The following KCNQ5 variants were observed in gnomAD, a reference collection of about 807,000 sequenced individuals.
KCNQ5 encodes the protein potassium voltage-gated channel subfamily KQT member 5.
A neutral mutation model predicts 98.2 loss-of-function variants in KCNQ5; 30 were observed. The observed-to-expected ratio is 0.31, with a 90% CI of 0.23 to 0.41. KCNQ5 has a LOEUF of 0.41. Ranked by LOEUF, KCNQ5 falls within the 10% of genes least tolerant of loss-of-function variation. The pLI, the probability that KCNQ5 is intolerant of heterozygous loss-of-function variation, is 1.00. For missense variants in KCNQ5, 835 were observed against 1,182.5 expected (o/e 0.71, Z 4.31); for synonymous variants, 458 against 449.4 (o/e 1.02, Z -0.24).
At chr6:72,916,620 G>A (rs1350083886) in intron 1 of KCNQ5, among the ~76,000 whole-genome samples, 2 of 152,164 alleles carry the variant, frequency 1.3e-5, no homozygotes, top group African/African-American at 2.4e-5. Context: ...ACCTTCTCAA[G>A]TCTGAAAGGG....
At chr6:72,786,215 A>G (rs2154478041) in intron 1 of KCNQ5, among the ~76,000 whole-genome samples, 1 of 152,316 alleles carries the variant, frequency 6.6e-6, no homozygotes, top group Admixed American at 6.5e-5. Context: ...CCACATTTCA[A>G]GTAGTCAGTA....
intron 11 of KCNQ5, among the ~76,000 whole-genome samples, chr6:73,184,141 A>G (rs148472852): frequency 1.1e-3 from 174 of 152,302 alleles, no homozygotes; most frequent in African/African-American, 3.7e-3. Context: ...GTAGTATTAC[A>G]TATTTCTTGA....
intron 7 of KCNQ5, 69 bp downstream of exon 7, chr6:73,111,472 C>A (rs916655697): frequency 2.0e-5 from 20 of 984,176 alleles, no homozygotes; most frequent in Non-Finnish European, 3.1e-5. Flanking sequence ...ATTTTCCAAT[C>A]TCTGTGCTTC....
At chr6:72,645,263 C>G (rs1329180532) in intron 1 of KCNQ5, among the ~76,000 whole-genome samples, 1 of 150,900 alleles carries the variant, frequency 6.6e-6, no homozygotes, top group Non-Finnish European at 1.5e-5. Context: ...GGTGCATGCC[C>G]TAGTCCTAGC....
intron 1 of KCNQ5, among the ~76,000 whole-genome samples, chr6:72,813,604 G>A (rs956886689): frequency 2.1e-5 from 3 of 144,418 alleles, no homozygotes; most frequent in Non-Finnish European, 4.7e-5. Flanking sequence ...GTCCCTAGGT[G>A]TCCAAGAGGT....
intron 1 of KCNQ5, among the ~76,000 whole-genome samples, chr6:72,660,722 G>A (rs889210453): frequency 6.6e-6 from 1 of 152,036 alleles, no homozygotes; most frequent in Non-Finnish European, 1.5e-5. Flanking sequence ...TTTTAAAATC[G>A]TTGCTCATTC....
At chr6:72,860,501 G>A (rs1470765048) in intron 1 of KCNQ5, among the ~76,000 whole-genome samples, 1 of 152,052 alleles carries the variant, frequency 6.6e-6, no homozygotes, top group East Asian at 1.9e-4. Flanking sequence ...TGGGAGTAAT[G>A]ATATAGAAAT....
chr6:72,845,906 G>A (rs1776998521), intron 1 of KCNQ5, among the ~76,000 whole-genome samples: 1 of 152,112 alleles, frequency 6.6e-6, no homozygotes, highest in South Asian at 2.1e-4. Flanking sequence ...ATGGGCACCA[G>A]GTAATGCATG....
chr6:72,722,449 G>A (rs190321169), intron 1 of KCNQ5, among the ~76,000 whole-genome samples: 2 of 152,276 alleles, frequency 1.3e-5, no homozygotes, highest in African/African-American at 4.8e-5. Flanking sequence ...TTATATGCAA[G>A]ATCTTTCAAA....
intron 5 of KCNQ5, among the ~76,000 whole-genome samples, chr6:73,087,385 G>T (rs1017907573): frequency 2.2e-4 from 33 of 152,188 alleles, no homozygotes; most frequent in Non-Finnish European, 4.1e-4. Flanking sequence ...GGAGCTCTTG[G>T]TTAAGACAGG....
At chr6:72,706,241 G>A (rs1175813803) in intron 1 of KCNQ5, among the ~76,000 whole-genome samples, 1 of 151,828 alleles carries the variant, frequency 6.6e-6, no homozygotes, top group Non-Finnish European at 1.5e-5. Flanking sequence ...TTTTATTAAA[G>A]CAGAAACATT....
At chr6:72,771,652 C>CTGTGTG (rs150518788) in intron 1 of KCNQ5, among the ~76,000 whole-genome samples, 34,067 of 147,624 alleles carry the variant, frequency 0.23, 3,991 homozygotes, top group Middle Eastern at 0.3. Flanking sequence ...AACCATTTCA[C>CTGTGTG]TGTGTGTGTG....
intron 1 of KCNQ5, among the ~76,000 whole-genome samples, chr6:72,623,678 G>A (rs533094875): frequency 9.3e-5 from 14 of 150,828 alleles, no homozygotes; most frequent in African/African-American, 3.4e-4. Flanking sequence ...TCTTTTTTTA[G>A]TATTATTATT....
Position 72,622,205 on chromosome 6 carries a change from G to C in KCNQ5, c.16G>C (p.Ala6Pro). 3 of 1,227,414 alleles carry C rather than the reference G, an allele frequency of 2.4e-6. No homozygotes were observed. Among genetic ancestry groups the C allele is most frequent in the Non-Finnish European group, 3.0e-6 (3 of 985,542 alleles). 76.0% of individuals were successfully genotyped at this position (1,227,414 alleles called of 1,614,324 possible). Residue 6 changes from alanine to proline, a missense_variant, in exon 1 of 14, where the codon GCG becomes CCG. Around this residue, in one of 10 missense-constraint regions of KCNQ5, gnomAD observed 80 missense variants for 72.3 expected, o/e 1.11. Transcript: ENST00000370398. The surrounding 1 kb of genome is among the most constrained non-coding windows in gnomAD (Gnocchi z 6.0). The stretch of plus-strand genomic sequence containing the variant: ...TGGTGATGCCATGCCCCGCCACCAC[G>C]CGGGAGGAGAGGAGGGCGGCGCCGC... MPRHH[A>P]GGEEGGAAGL...
At chr6:72,867,853 T>C (rs1315152257) in intron 1 of KCNQ5, among the ~76,000 whole-genome samples, 1 of 151,880 alleles carries the variant, frequency 6.6e-6, no homozygotes, top group Non-Finnish European at 1.5e-5. Flanking sequence ...GAGGATTGCT[T>C]GAGCCTCAAC....
intron 9 of KCNQ5, among the ~76,000 whole-genome samples, chr6:73,131,252 AT>A (rs902465636): frequency 1.2e-4 from 18 of 152,034 alleles, no homozygotes; most frequent in African/African-American, 3.4e-4. Context: ...TAGTAATTGA[AT>A]TTTTTTAATT....
At chr6:72,787,142 T>G (rs1773799300) in intron 1 of KCNQ5, among the ~76,000 whole-genome samples, 1 of 152,152 alleles carries the variant, frequency 6.6e-6, no homozygotes, top group South Asian at 2.1e-4. Context: ...CCCCCACCTG[T>G]TTTTGTACAG....
At chr6:72,974,857 A>G (rs1309889400) in intron 1 of KCNQ5, among the ~76,000 whole-genome samples, 1 of 151,810 alleles carries the variant, frequency 6.6e-6, no homozygotes, top group Non-Finnish European at 1.5e-5. Context: ...CTCCTGCCTC[A>G]GCCTCCCAAG....
intron 1 of KCNQ5, among the ~76,000 whole-genome samples, chr6:72,628,833 A>G (rs2098919328): frequency 6.6e-6 from 1 of 152,022 alleles, no homozygotes; most frequent in Non-Finnish European, 1.5e-5. Flanking sequence ...GGCTGGTCTC[A>G]TTCTCCTGAC....
Sources: allele counts gnomAD v4.1 joint callset (sites outside exome capture counted in the v4.1 genomes callset), GRCh38; gene constraint gnomAD v4.1.1; regional missense constraint gnomAD v4.1.1; non-coding constraint Gnocchi (gnomAD v3.1); transcripts MANE v1.5; gene names NCBI Gene and HGNC (gene_info 2026-07-23, HGNC 2026-07-21).